The following MYOM1 variants were observed in gnomAD, a reference collection of about 807,000 sequenced individuals.
MYOM1 encodes the protein myomesin 1, also known as myomesin-1.
MYOM1 carries 164 observed loss-of-function variants against 205.3 expected under a neutral mutation model. The ratio of observed to expected loss-of-function variants is 0.80; its 90% CI spans 0.70 to 0.91. MYOM1 has a LOEUF of 0.91. Among genes scored for constraint, MYOM1 ranks in the 40% least tolerant of loss-of-function variants. MYOM1 has a pLI of 0.00. For synonymous variants in MYOM1, 772 were observed against 789.4 expected (o/e 0.98, Z 0.37); for missense variants, 2,011 against 2,127.3 (o/e 0.95, Z 1.08).
At chr18:3,204,114 A>G (rs2081102181) in intron 2 of MYOM1, among the ~76,000 whole-genome samples, 1 of 151,942 alleles carries the variant, frequency 6.6e-6, no homozygotes, top group South Asian at 2.1e-4. Flanking sequence ...TAAACTGATA[A>G]AGGCCATCTA....
chr18:3,145,124 C>A (rs12458501), intron 13 of MYOM1, among the ~76,000 whole-genome samples: 26,820 of 152,026 alleles, frequency 0.18, 2,863 homozygotes, highest in East Asian at 0.28. Context: ...GCCTGGCCAA[C>A]ATGGTGAAAC....
chr18:3,156,335 C>T (rs1264392186), intron 10 of MYOM1, among the ~76,000 whole-genome samples: 1 of 152,170 alleles, frequency 6.6e-6, no homozygotes, highest in East Asian at 1.9e-4. Context: ...TTCTGTAACT[C>T]TTATGAGTTA....
chr18:3,233,343 T>C, the MYOM1 span, among the ~76,000 whole-genome samples: 2 of 152,206 alleles, frequency 1.3e-5, no homozygotes, highest in Admixed American at 1.3e-4. Context: ...AGTTTATAGA[T>C]TTAACTGAGG....
At chr18:3,161,614 C>A (rs921292015) in intron 10 of MYOM1, among the ~76,000 whole-genome samples, 3 of 152,174 alleles carry the variant, frequency 2.0e-5, no homozygotes, top group African/African-American at 7.2e-5. Context: ...GCAATAACAA[C>A]ATAGAGGGGA....
intron 10 of MYOM1, among the ~76,000 whole-genome samples, chr18:3,162,974 C>T (rs572986737): frequency 2.7e-5 from 4 of 149,040 alleles, no homozygotes; most frequent in East Asian, 2.0e-4. Flanking sequence ...TGCAGTGAGC[C>T]GAGATCAAGC....
intron 3 of MYOM1, among the ~76,000 whole-genome samples, chr18:3,191,978 G>A (rs2080915972): frequency 6.6e-6 from 1 of 152,148 alleles, no homozygotes; most frequent in Non-Finnish European, 1.5e-5. Flanking sequence ...TTACAGGCAT[G>A]AGCCACCGTG....
chr18:3,240,438 T>C, the MYOM1 span, among the ~76,000 whole-genome samples: 2 of 152,186 alleles, frequency 1.3e-5, no homozygotes, highest in Admixed American at 1.3e-4. Context: ...CGAGATCTGA[T>C]GGTTTTAAAA....
At chr18:3,204,413 T>C (rs2081106394) in intron 2 of MYOM1, among the ~76,000 whole-genome samples, 1 of 151,946 alleles carries the variant, frequency 6.6e-6, no homozygotes, top group South Asian at 2.1e-4. Flanking sequence ...CAAAAATCAA[T>C]TATATTTCCA....
intron 25 of MYOM1, among the ~76,000 whole-genome samples, chr18:3,096,939 T>C (rs956517430): frequency 6.6e-6 from 1 of 152,212 alleles, no homozygotes; most frequent in East Asian, 1.9e-4. Flanking sequence ...GCATTTCTAT[T>C]TTTTCTATTT....
chr18:3,223,354 C>T (rs1156264778), upstream of MYOM1, among the ~76,000 whole-genome samples: 4 of 152,236 alleles, frequency 2.6e-5, no homozygotes, highest in South Asian at 2.1e-4. Context: ...TTCTTCAATG[C>T]GGATGTTTTC....
At chr18:3,094,648 T>A (rs2079275549) in intron 25 of MYOM1, among the ~76,000 whole-genome samples, 1 of 151,820 alleles carries the variant, frequency 6.6e-6, no homozygotes, top group Admixed American at 6.6e-5. Context: ...TTTTGGTTGG[T>A]GTTTTTTCTT....
intron 13 of MYOM1, among the ~76,000 whole-genome samples, chr18:3,147,540 C>A (rs1231720655): frequency 6.6e-6 from 1 of 151,568 alleles, no homozygotes; most frequent in Non-Finnish European, 1.5e-5. Context: ...GGGGAAAAAC[C>A]CAACACAAGA....
chr18:3,067,936 T>A (rs1322433519), intron 37 of MYOM1, among the ~76,000 whole-genome samples: 1 of 152,218 alleles, frequency 6.6e-6, no homozygotes, highest in African/African-American at 2.4e-5. Flanking sequence ...CTCATTGCTG[T>A]AATTGCCACC....
At chr18:3,210,330 C>T (rs2081176805) in intron 2 of MYOM1, among the ~76,000 whole-genome samples, 1 of 152,156 alleles carries the variant, frequency 6.6e-6, no homozygotes, top group Non-Finnish European at 1.5e-5. Flanking sequence ...GTGGTCTTCA[C>T]CAACTCTAGT....
In MYOM1 at chr18:3,126,920, T is replaced by C. The variant is rs1387865179; in HGVS notation, c.2795-23A>G. ...GTGCTGTAGCAATATGAATAGCTTG[T>C]GAGTAGGCAGAAATGCATTTATGAT... is the stretch of plus-strand genomic sequence containing the variant. On this transcript the variant is annotated intron_variant, in intron 18 of 37. Coordinates refer to ENST00000356443, the MANE Select transcript of MYOM1 (RefSeq NM_003803.4). 3.2e-6 allele frequency: 5 copies of C among 1,582,294 alleles called. No individual in the cohort carries two copies. In the Admixed American group the frequency reaches 5.4e-5, roughly 17 times the overall value.
At chr18:3,212,316 G>A (rs1050364748) in intron 2 of MYOM1, among the ~76,000 whole-genome samples, 2 of 152,160 alleles carry the variant, frequency 1.3e-5, no homozygotes, top group African/African-American at 4.8e-5. Context: ...AATAATTACA[G>A]TTCCATTCCC....
At chr18:3,136,172 T>C (rs1363108389) in intron 14 of MYOM1, among the ~76,000 whole-genome samples, 2 of 152,128 alleles carry the variant, frequency 1.3e-5, no homozygotes, top group African/African-American at 2.4e-5. Flanking sequence ...TCCACCATGA[T>C]TGTGAGGCCT....
At chr18:3,125,454 T>G (rs2079765074) in intron 19 of MYOM1, among the ~76,000 whole-genome samples, 1 of 151,826 alleles carries the variant, frequency 6.6e-6, no homozygotes. Context: ...CAGGGAAGAA[T>G]CTTAAAAATA....
chr18:3,235,401 T>C, the MYOM1 span, among the ~76,000 whole-genome samples: 1 of 152,180 alleles, frequency 6.6e-6, no homozygotes, highest in Non-Finnish European at 1.5e-5. Flanking sequence ...ATACTATTAC[T>C]AGAGTGCTTT....
Sources: allele counts gnomAD v4.1 joint callset (sites outside exome capture counted in the v4.1 genomes callset), GRCh38; gene constraint gnomAD v4.1.1; transcripts MANE v1.5; gene names NCBI Gene and HGNC (gene_info 2026-07-23, HGNC 2026-07-21).